APP: variants seen among roughly 807,000 people sequenced by gnomAD.
APP encodes the protein amyloid beta precursor protein.
APP carries 31 observed loss-of-function variants against 101.4 expected under a neutral mutation model. The observed-to-expected ratio is 0.31, with a 90% CI of 0.23 to 0.41. The LOEUF (loss-of-function observed/expected upper bound fraction) is 0.41, where lower values mean the gene tolerates loss of function less well. Among genes scored for constraint, APP ranks in the 10% least tolerant of loss-of-function variants. The pLI, the probability that APP is intolerant of heterozygous loss-of-function variation, is 1.00. For synonymous variants in APP, 366 were observed against 364.4 expected, an observed-to-expected ratio of 1.00 and a Z score of -0.05; for missense variants, 839 against 1,003.7, an observed-to-expected ratio of 0.84 and a Z score of 2.22.
intron 3 of APP, among the ~76,000 whole-genome samples, chr21:26,058,820 G>A (rs1167334781): frequency 6.6e-6 from 1 of 152,172 alleles, no homozygotes; most frequent in Non-Finnish European, 1.5e-5. Flanking sequence ...GGTGGCTCAC[G>A]CCTGTAATCC....
In APP at chr21:25,982,375, A is replaced by G; in HGVS notation, c.1193T>C (p.Leu398Pro). 1 of 1,613,874 alleles carries G rather than the reference A, an allele frequency of 6.2e-7. No homozygotes were observed. The highest frequency in any genetic ancestry group is 1.1e-5 in the South Asian group (1 of 91,060). ...CATTCTCTCTCGGTGCTTGGCCTCA[A>G]GCCTCTCTTTGGCTTTCTGGAAATG... ...HAHFQKAKER[L>P]EAKHRERMSQ... is the part of the protein sequence containing the mutation. The change falls in exon 9 of 18, where the codon CTT becomes CCT. Residue 398 changes from leucine (L) to proline (P), a missense_variant. Leu to Pro is a moderately conservative substitution (Grantham distance 98). Transcript: ENST00000346798.
chr21:25,902,552 C>T (rs1251882531), intron 15 of APP, among the ~76,000 whole-genome samples: 5 of 149,964 alleles, frequency 3.3e-5, no homozygotes, highest in South Asian at 2.1e-4. Flanking sequence ...CCCAAGCCTA[C>T]GCTGTGTATG....
At chr21:26,149,445 G>A (rs1332263971) in intron 1 of APP, among the ~76,000 whole-genome samples, 2 of 152,120 alleles carry the variant, frequency 1.3e-5, no homozygotes, top group Non-Finnish European at 2.9e-5. Context: ...CACAACCAAG[G>A]AGGCCTCTCA....
At chr21:26,068,172 G>A (rs987349603) in intron 3 of APP, 6 of 152,224 alleles carry the variant, frequency 3.9e-5, no homozygotes, top group African/African-American at 1.4e-4. Context: ...AAGACAGGAA[G>A]AGGCATTTTC....
intron 8 of APP, among the ~76,000 whole-genome samples, chr21:25,996,336 T>G (rs1356333181): frequency 6.6e-6 from 1 of 152,184 alleles, no homozygotes; most frequent in Non-Finnish European, 1.5e-5. Context: ...ACCCTTCATG[T>G]CTAAAGTTGA....
chr21:25,935,415 T>C (rs1429294537), intron 13 of APP: 1 of 152,244 alleles, frequency 6.6e-6, no homozygotes, highest in South Asian at 2.1e-4. Context: ...TTAGGTTAAC[T>C]GTGACCTTTT....
chr21:25,900,378 C>CAAAAA (rs60231150), intron 15 of APP, among the ~76,000 whole-genome samples: 34 of 59,452 alleles, frequency 5.7e-4, no homozygotes, highest in African/African-American at 9.0e-4. Context: ...ACTAAAAATA[C>CAAAAA]AAAAAAAAAA....
At chr21:26,049,404 G>A (rs1289775749) in intron 5 of APP, among the ~76,000 whole-genome samples, 4 of 152,174 alleles carry the variant, frequency 2.6e-5, no homozygotes, top group Admixed American at 2.6e-4. Flanking sequence ...GATGACGGTG[G>A]AGGGGTCATC....
chr21:26,074,060 C>T (rs1038147826), intron 3 of APP, among the ~76,000 whole-genome samples: 1 of 152,100 alleles, frequency 6.6e-6, no homozygotes, highest in African/African-American at 2.4e-5. Context: ...ATAGGGGGAT[C>T]TTCAGTGACA....
At chr21:26,086,156 T>C (rs1434380569) in intron 3 of APP, among the ~76,000 whole-genome samples, 1 of 152,192 alleles carries the variant, frequency 6.6e-6, no homozygotes, top group African/African-American at 2.4e-5. Context: ...GAAAATATTC[T>C]CCTTGAGTAA....
chr21:26,120,907 T>C (rs1015467698), intron 1 of APP, among the ~76,000 whole-genome samples: 3 of 152,214 alleles, frequency 2.0e-5, no homozygotes, highest in Non-Finnish European at 2.9e-5. Flanking sequence ...CAAACATTCA[T>C]GCTACTGCAA....
intron 13 of APP, among the ~76,000 whole-genome samples, chr21:25,924,425 AAAG>A (rs1440500248): frequency 5.1e-4 from 55 of 107,312 alleles, no homozygotes; most frequent in Non-Finnish European, 7.5e-4. Context: ...AAAAAAAAAA[AAAG>A]GAAAAAAAAA....
At chr21:25,938,784 C>T (rs529962646) in intron 13 of APP, among the ~76,000 whole-genome samples, 321 of 152,272 alleles carry the variant, frequency 2.1e-3, no homozygotes, top group Non-Finnish European at 2.9e-3. Context: ...AGTCTACTGG[C>T]TGATGGCACA....
At chr21:26,016,013 T>C (rs922238420) in intron 6 of APP, among the ~76,000 whole-genome samples, 6 of 152,038 alleles carry the variant, frequency 3.9e-5, no homozygotes, top group African/African-American at 1.4e-4. Flanking sequence ...TACTCTTATT[T>C]GTGGACCCCC....
At chr21:26,088,711 T>C (rs968936406) in intron 3 of APP, among the ~76,000 whole-genome samples, 7 of 152,212 alleles carry the variant, frequency 4.6e-5, no homozygotes, top group Admixed American at 6.5e-5. Flanking sequence ...CTTATTTTCA[T>C]CTAATTAAAC....
chr21:26,021,595 T>G (rs1354689064), intron 6 of APP, among the ~76,000 whole-genome samples: 2 of 152,174 alleles, frequency 1.3e-5, no homozygotes, highest in African/African-American at 4.8e-5. Context: ...TCTTGTAGAA[T>G]TAACTTGGGA....
intron 1 of APP, among the ~76,000 whole-genome samples, chr21:26,148,169 C>G (rs1018893164): frequency 2.0e-5 from 3 of 152,206 alleles, no homozygotes; most frequent in African/African-American, 7.2e-5. Context: ...TCAAAAAGAT[C>G]TCTCAATTAC....
intron 16 of APP, among the ~76,000 whole-genome samples, chr21:25,895,911 ATTATC>A (rs2038012339): frequency 6.6e-6 from 1 of 152,208 alleles, no homozygotes; most frequent in Admixed American, 6.5e-5. Context: ...ATTATAATAC[ATTATC>A]TTAACTAGTC....
At position 26,053,480 on chromosome 21, in the gene APP, C is replaced by A. The variant is rs2045919287; in HGVS notation, c.356-132G>T. 8.7e-6 allele frequency: 6 copies of A among 692,492 alleles called. No homozygotes were observed. The Admixed American group carries it at 1.3e-4, about 15-fold the overall frequency. The allele number at this position is 692,492 out of a possible 1,614,324, so 42.9% of individuals were successfully genotyped here. The stretch of plus-strand genomic sequence containing the variant: ...TAATGCCTAAGCAACCCAATCAAGA[C>A]CCTACTACCTTTAGAATGTTACGTC... On this transcript the variant is annotated intron_variant, in intron 3 of 17. Coordinates refer to ENST00000346798, the MANE Select transcript of APP (RefSeq NM_000484.4).
Sources: gnomAD v4.1 joint callset for allele counts (sites outside exome capture counted in the v4.1 genomes callset) on GRCh38, gnomAD v4.1.1 for gene constraint, MANE v1.5 for transcripts, NCBI Gene and HGNC (gene_info 2026-07-23, HGNC 2026-07-21) for gene names.